SAMD5: variants seen among roughly 807,000 people sequenced by gnomAD.
The protein encoded by SAMD5 is sterile alpha motif domain-containing protein 5.
In SAMD5, 13 loss-of-function variants were observed where a neutral mutation model predicts 11.3. The observed-to-expected ratio is 1.15, with a 90% CI of 0.75 to 1.83. The LOEUF (loss-of-function observed/expected upper bound fraction) is 1.83. Among genes scored for constraint, SAMD5 ranks in the 40% most tolerant of loss-of-function variants. The probability of loss-of-function intolerance (pLI) is 0.00; values close to 1 mark genes in which losing one functional copy is unlikely to be tolerated. For missense variants in SAMD5, 255 were observed against 239.1 expected (o/e 1.07, Z -0.44); for synonymous variants, 129 against 111.3 (o/e 1.16, Z -1.00).
chr6:147,725,770 G>A (rs1791617528), intron 1 of SAMD5, among the ~76,000 whole-genome samples: 1 of 152,174 alleles, frequency 6.6e-6, no homozygotes, highest in Non-Finnish European at 1.5e-5. Flanking sequence ...ATATTATGTT[G>A]AAGTGAGTTT....
chr6:147,799,850 G>T, the SAMD5 span, among the ~76,000 whole-genome samples: 3 of 151,948 alleles, frequency 2.0e-5, no homozygotes, highest in Non-Finnish European at 2.9e-5. Flanking sequence ...CTTTCTTCCA[G>T]TTGATCACAT....
chr6:147,954,358 C>T, the SAMD5 span, among the ~76,000 whole-genome samples: 1 of 152,120 alleles, frequency 6.6e-6, no homozygotes, highest in Admixed American at 6.5e-5. Flanking sequence ...TTTTGATCAG[C>T]AATGGACCAC....
At chr6:147,797,745 C>A in the SAMD5 span, among the ~76,000 whole-genome samples, 11,466 of 134,502 alleles carry the variant, frequency 0.085, 480 homozygotes, top group East Asian at 0.23. Context: ...ACAATTTCAG[C>A]TCCTGTTATT....
chr6:147,909,608 CT>C, the SAMD5 span, among the ~76,000 whole-genome samples: 4,606 of 75,832 alleles, frequency 0.061, 397 homozygotes, highest in East Asian at 0.18. Context: ...TTCTTTCTTT[CT>C]TTCTTTCTTT....
chr6:147,621,613 C>T (rs527755653), intron 1 of SAMD5, among the ~76,000 whole-genome samples: 1 of 152,320 alleles, frequency 6.6e-6, no homozygotes, highest in East Asian at 1.9e-4. Flanking sequence ...TGGGAGTAGA[C>T]ATATGACCCA....
chr6:147,627,333 T>C lies in SAMD5; in HGVS notation c.163-109984T>C, dbSNP rs117050277. Among the ~76,000 whole-genome samples the C allele has an allele frequency of 3.2e-4, 48 of 152,292 alleles. No individual in the cohort carries two copies. In the East Asian group the frequency reaches 7.7e-3, roughly 24 times the overall value. On this transcript the variant is annotated intron_variant, in intron 1 of 1. Transcript: ENST00000566741. ...ATGGCTTTAGAGGACCGGGGTGGTG[T>C]GGCACCTGAGAGATAAACATTTTTG... is the stretch of plus-strand genomic sequence containing the variant.
chr6:147,920,094 A>C, the SAMD5 span, among the ~76,000 whole-genome samples: 2 of 152,222 alleles, frequency 1.3e-5, no homozygotes, highest in African/African-American at 4.8e-5. Context: ...GGATTGAAGG[A>C]TGGAAAGTAT....
At chr6:147,655,996 T>A (rs1173542997) in intron 1 of SAMD5, among the ~76,000 whole-genome samples, 1 of 151,938 alleles carries the variant, frequency 6.6e-6, no homozygotes, top group African/African-American at 2.4e-5. Flanking sequence ...TAGAAACCAA[T>A]GGAATAAAAT....
At chr6:147,759,378 C>G in the SAMD5 span, among the ~76,000 whole-genome samples, 1 of 152,136 alleles carries the variant, frequency 6.6e-6, no homozygotes, top group Admixed American at 6.5e-5. Flanking sequence ...CCAAGCTTTA[C>G]AGATGGGGCC....
intron 1 of SAMD5, among the ~76,000 whole-genome samples, chr6:147,707,331 A>G (rs1207242264): frequency 1.1e-4 from 16 of 152,232 alleles, no homozygotes. Flanking sequence ...TTGTGAATAC[A>G]CCATTTTGTT....
At chr6:147,635,692 A>C (rs1790220388) in intron 1 of SAMD5, among the ~76,000 whole-genome samples, 2 of 152,330 alleles carry the variant, frequency 1.3e-5, no homozygotes, top group African/African-American at 4.8e-5. Context: ...CAGAGGCCTT[A>C]AATGTGCTTG....
intron 1 of SAMD5, among the ~76,000 whole-genome samples, chr6:147,655,653 A>T (rs955854937): frequency 2.0e-5 from 3 of 152,214 alleles, no homozygotes; most frequent in Non-Finnish European, 4.4e-5. Flanking sequence ...TACAATATCT[A>T]CTTGATTCTC....
intron 1 of SAMD5, among the ~76,000 whole-genome samples, chr6:147,663,727 G>C (rs1359928650): frequency 1.3e-5 from 2 of 148,690 alleles, no homozygotes; most frequent in Non-Finnish European, 3.0e-5. Context: ...GGGGGGCAGA[G>C]GTTGCAGTGA....
downstream of SAMD5, among the ~76,000 whole-genome samples, chr6:147,740,126 T>C (rs1791859372): frequency 6.6e-6 from 1 of 152,226 alleles, no homozygotes; most frequent in Non-Finnish European, 1.5e-5. Context: ...CCATTTATAC[T>C]ATTTTAAATT....
chr6:147,790,407 C>G, the SAMD5 span, among the ~76,000 whole-genome samples: 1 of 152,166 alleles, frequency 6.6e-6, no homozygotes, highest in Non-Finnish European at 1.5e-5. Flanking sequence ...ATCTAAAACC[C>G]TGAAAATCAC....
At chr6:147,654,713 C>G (rs1453066333) in intron 1 of SAMD5, among the ~76,000 whole-genome samples, 2 of 151,414 alleles carry the variant, frequency 1.3e-5, no homozygotes, top group Non-Finnish European at 2.9e-5. Context: ...TTTTTTTTCT[C>G]CATGATTCTC....
chr6:147,834,606 T>C, the SAMD5 span, among the ~76,000 whole-genome samples: 3 of 152,310 alleles, frequency 2.0e-5, no homozygotes, highest in African/African-American at 7.2e-5. Flanking sequence ...CTTGGGTTAT[T>C]TTATAGGCAT....
chr6:147,515,443 T>G (rs866270652), intron 1 of SAMD5, among the ~76,000 whole-genome samples: 1 of 145,010 alleles, frequency 6.9e-6, no homozygotes, highest in African/African-American at 2.8e-5. Context: ...CATCCATCCA[T>G]CCATCCATCC....
the SAMD5 span, among the ~76,000 whole-genome samples, chr6:147,951,493 C>A: frequency 6.6e-6 from 1 of 152,050 alleles, no homozygotes; most frequent in African/African-American, 2.4e-5. Flanking sequence ...CTTTCTATAC[C>A]AGACAGGTCA....
Sources: gnomAD v4.1 joint callset for allele counts (sites outside exome capture counted in the v4.1 genomes callset) on GRCh38, gnomAD v4.1.1 for gene constraint, MANE v1.5 for transcripts, NCBI Gene and HGNC (gene_info 2026-07-23, HGNC 2026-07-21) for gene names.